NR3C2: variants seen among roughly 807,000 people sequenced by gnomAD.
The protein encoded by NR3C2 is mineralocorticoid receptor.
Under a neutral mutation model 86.4 loss-of-function variants are expected in NR3C2, and 15 were observed. That is an observed-to-expected ratio of 0.17 (90% CI 0.12 to 0.27). NR3C2 has a LOEUF of 0.27. Among genes scored for constraint, NR3C2 ranks in the 10% least tolerant of loss-of-function variants. The pLI is 1.00. For synonymous variants in NR3C2, 458 were observed against 450.5 expected (o/e 1.02, Z -0.21); for missense variants, 960 against 1,195.6 (o/e 0.80, Z 2.91).
At chr4:148,430,826 T>C (rs550340427) in intron 2 of NR3C2, among the ~76,000 whole-genome samples, 1 of 152,244 alleles carries the variant, frequency 6.6e-6, no homozygotes, top group African/African-American at 2.4e-5. Flanking sequence ...TGTCATATAA[T>C]GTGAGTTTCA....
At chr4:148,382,301 T>C (rs1747036832) in intron 2 of NR3C2, among the ~76,000 whole-genome samples, 1 of 152,192 alleles carries the variant, frequency 6.6e-6, no homozygotes, top group South Asian at 2.1e-4. Context: ...TCCTCCTCAG[T>C]GCCAAACCCT....
chr4:148,124,550 A>T (rs1732659439), intron 6 of NR3C2, among the ~76,000 whole-genome samples: 1 of 152,158 alleles, frequency 6.6e-6, no homozygotes, highest in African/African-American at 2.4e-5. Context: ...TTTCATTATG[A>T]TGTACTGAGG....
At chr4:148,309,027 G>A (rs927940075) in intron 2 of NR3C2, among the ~76,000 whole-genome samples, 11 of 151,728 alleles carry the variant, frequency 7.2e-5, no homozygotes, top group African/African-American at 2.7e-4. Context: ...CTGAAAGGAG[G>A]ATATTGAATG....
At chr4:148,307,807 T>C (rs1561031795) in intron 2 of NR3C2, among the ~76,000 whole-genome samples, 1 of 150,880 alleles carries the variant, frequency 6.6e-6, no homozygotes, top group East Asian at 2.0e-4. Flanking sequence ...AGCTTACATA[T>C]GGCAAAAAGA....
intron 2 of NR3C2, among the ~76,000 whole-genome samples, chr4:148,341,525 A>T (rs746693707): frequency 5.3e-5 from 8 of 152,086 alleles, no homozygotes; most frequent in Non-Finnish European, 8.8e-5. Context: ...AAGGAATAAG[A>T]CCTAGTGTTT....
intron 2 of NR3C2, among the ~76,000 whole-genome samples, chr4:148,434,401 T>C (rs1471746129): frequency 6.6e-6 from 1 of 152,220 alleles, no homozygotes; most frequent in Admixed American, 6.5e-5. Flanking sequence ...ATATGTCTTC[T>C]TGCAGATCTG....
intron 2 of NR3C2, among the ~76,000 whole-genome samples, chr4:148,415,640 A>T (rs941566602): frequency 6.6e-6 from 1 of 152,170 alleles, no homozygotes; most frequent in African/African-American, 2.4e-5. Flanking sequence ...TTTAGGAAGC[A>T]AGACAAATGT....
intron 8 of NR3C2, among the ~76,000 whole-genome samples, chr4:148,086,381 ATG>A (rs1730811591): frequency 6.6e-6 from 1 of 152,196 alleles, no homozygotes; most frequent in Non-Finnish European, 1.5e-5. Context: ...CAAAAACCAC[ATG>A]GTTATCTCAA....
At chr4:148,396,665 T>A (rs963275149) in intron 2 of NR3C2, among the ~76,000 whole-genome samples, 1 of 152,204 alleles carries the variant, frequency 6.6e-6, no homozygotes, top group African/African-American at 2.4e-5. Context: ...TATGAGTCCC[T>A]GAAAACAGGT....
chr4:148,276,015 T>C (rs887127867), intron 2 of NR3C2, among the ~76,000 whole-genome samples: 8 of 152,214 alleles, frequency 5.3e-5, no homozygotes, highest in African/African-American at 1.9e-4. Flanking sequence ...TAGTACTATT[T>C]AAATATTATT....
At chr4:148,100,130 A>G (rs1731469701) in intron 8 of NR3C2, among the ~76,000 whole-genome samples, 1 of 152,232 alleles carries the variant, frequency 6.6e-6, no homozygotes, top group Admixed American at 6.5e-5. Flanking sequence ...GATCATAAGA[A>G]AAATACTTTT....
chr4:148,327,536 T>G (rs1744031575), intron 2 of NR3C2, among the ~76,000 whole-genome samples: 1 of 152,176 alleles, frequency 6.6e-6, no homozygotes, highest in South Asian at 2.1e-4. Flanking sequence ...TTCCCCATAG[T>G]CAGTAATCAG....
intron 2 of NR3C2, among the ~76,000 whole-genome samples, chr4:148,302,438 C>T (rs1742387194): frequency 6.6e-6 from 1 of 152,118 alleles, no homozygotes; most frequent in African/African-American, 2.4e-5. Flanking sequence ...ATGTTTGTCT[C>T]TCTCTGCCTG....
At chr4:148,280,960 C>A (rs1043951614) in intron 2 of NR3C2, among the ~76,000 whole-genome samples, 2 of 152,176 alleles carry the variant, frequency 1.3e-5, no homozygotes, top group African/African-American at 4.8e-5. Context: ...TAGAGCTTAG[C>A]TGAGAAAGCA....
intron 2 of NR3C2, among the ~76,000 whole-genome samples, chr4:148,298,091 GAT>G (rs1742153394): frequency 6.6e-6 from 1 of 152,062 alleles, no homozygotes; most frequent in South Asian, 2.1e-4. Flanking sequence ...TCCCCTCTTA[GAT>G]ATTTACCCAA....
intron 4 of NR3C2, among the ~76,000 whole-genome samples, chr4:148,175,276 C>T (rs560568548): frequency 8.5e-5 from 13 of 152,282 alleles, no homozygotes; most frequent in Non-Finnish European, 1.5e-4. Context: ...CTTGGAGCAG[C>T]GGTTCCTAGC....
intron 2 of NR3C2, among the ~76,000 whole-genome samples, chr4:148,433,922 C>A (rs1001269310): frequency 7.2e-5 from 11 of 152,080 alleles, no homozygotes; most frequent in African/African-American, 2.7e-4. Context: ...TGTGGGGAAA[C>A]TATAAAAATG....
intron 2 of NR3C2, among the ~76,000 whole-genome samples, chr4:148,320,133 A>C (rs1158520746): frequency 9.5e-6 from 1 of 104,900 alleles, no homozygotes; most frequent in Admixed American, 1.0e-4. Context: ...TATTGAGATA[A>C]TCATGTGGTT....
At chr4:148,379,770 G>A (rs1174628480) in intron 2 of NR3C2, among the ~76,000 whole-genome samples, 3 of 151,944 alleles carry the variant, frequency 2.0e-5, no homozygotes, top group African/African-American at 7.3e-5. Context: ...TATTTTCAAA[G>A]CTTAACGATA....
Sources: allele counts gnomAD v4.1 joint callset (sites outside exome capture counted in the v4.1 genomes callset), GRCh38; gene constraint gnomAD v4.1.1; transcripts MANE v1.5; gene names NCBI Gene and HGNC (gene_info 2026-07-23, HGNC 2026-07-21).